PPARGC1A: variants seen among roughly 807,000 people sequenced by gnomAD.
PPARGC1A encodes PPARG coactivator 1 alpha.
PPARGC1A carries 25 observed loss-of-function variants against 88.7 expected under a neutral mutation model. That is an observed-to-expected ratio of 0.28 (90% CI 0.21 to 0.39). The LOEUF is 0.39. Ranked by LOEUF, PPARGC1A falls within the 10% of genes least tolerant of loss-of-function variation. The probability of loss-of-function intolerance (pLI) is 1.00; values close to 1 mark genes in which losing one functional copy is unlikely to be tolerated. For synonymous variants in PPARGC1A, 363 were observed against 355.6 expected (o/e 1.02, Z -0.24); for missense variants, 880 against 968.7 (o/e 0.91, Z 1.22).
the PPARGC1A span, among the ~76,000 whole-genome samples, chr4:24,387,854 G>GAA: frequency 3.5e-4 from 45 of 129,840 alleles, 3 homozygotes; most frequent in Non-Finnish European, 5.8e-4. Context: ...GAGAGAAAGA[G>GAA]AGAAAGAGAG....
intron 2 of PPARGC1A, among the ~76,000 whole-genome samples, chr4:23,833,262 A>C (rs1245924576): frequency 6.6e-6 from 1 of 152,254 alleles, no homozygotes; most frequent in African/African-American, 2.4e-5. Flanking sequence ...ACCAGTACCA[A>C]CACTGGGCAC....
At chr4:24,465,829 T>C in the PPARGC1A span, among the ~76,000 whole-genome samples, 3 of 152,180 alleles carry the variant, frequency 2.0e-5, no homozygotes, top group Non-Finnish European at 1.5e-5. Flanking sequence ...AGATACCTGT[T>C]ATAACATGGC....
chr4:24,462,362 G>C, the PPARGC1A span, among the ~76,000 whole-genome samples: 6 of 151,586 alleles, frequency 4.0e-5, no homozygotes, highest in African/African-American at 1.5e-4. Flanking sequence ...CTCCCAAAGT[G>C]CTGGGATTAC....
the PPARGC1A span, among the ~76,000 whole-genome samples, chr4:24,123,465 T>C: frequency 1.3e-5 from 2 of 152,142 alleles, no homozygotes; most frequent in African/African-American, 4.8e-5. Flanking sequence ...GTGAATAGTA[T>C]GGATAGTAGC....
chr4:23,949,637 T>C, the PPARGC1A span, among the ~76,000 whole-genome samples: 1 of 152,118 alleles, frequency 6.6e-6, no homozygotes, highest in Non-Finnish European at 1.5e-5. Flanking sequence ...TGGATTCCAT[T>C]TTGCCAGGCC....
intron 10 of PPARGC1A, among the ~76,000 whole-genome samples, chr4:23,809,628 ATATAT>A (rs1347523007): frequency 2.0e-5 from 3 of 152,202 alleles, no homozygotes; most frequent in African/African-American, 4.8e-5. Flanking sequence ...AATGTTAATA[ATATAT>A]TGTATTGGTC....
the PPARGC1A span, among the ~76,000 whole-genome samples, chr4:24,410,732 C>T: frequency 4.6e-5 from 7 of 152,272 alleles, no homozygotes; most frequent in East Asian, 9.7e-4. Flanking sequence ...AGTCTTCCAG[C>T]CTCCATCTTT....
chr4:24,403,103 T>C, the PPARGC1A span, among the ~76,000 whole-genome samples: 1 of 152,216 alleles, frequency 6.6e-6, no homozygotes, highest in African/African-American at 2.4e-5. Flanking sequence ...ACATAGTTAA[T>C]GAGTGCTACA....
the PPARGC1A span, among the ~76,000 whole-genome samples, chr4:24,197,437 G>T: frequency 6.6e-6 from 1 of 152,162 alleles, no homozygotes; most frequent in South Asian, 2.1e-4. Context: ...GAGGAAAAGG[G>T]CCTCTCTCTC....
chr4:24,069,909 A>G, the PPARGC1A span, among the ~76,000 whole-genome samples: 1 of 152,174 alleles, frequency 6.6e-6, no homozygotes, highest in African/African-American at 2.4e-5. Context: ...TATAAACTCT[A>G]AACTAGAGAC....
At chr4:23,862,518 G>C (rs1731388498) in intron 2 of PPARGC1A, among the ~76,000 whole-genome samples, 3 of 152,130 alleles carry the variant, frequency 2.0e-5, no homozygotes, top group Non-Finnish European at 4.4e-5. Flanking sequence ...GTTACTTTCT[G>C]TAACTTGGCC....
chr4:24,135,863 A>G, the PPARGC1A span, among the ~76,000 whole-genome samples: 1 of 152,174 alleles, frequency 6.6e-6, no homozygotes, highest in Non-Finnish European at 1.5e-5. Context: ...TTGCTTCTTC[A>G]TGCATCGCTA....
upstream of PPARGC1A, among the ~76,000 whole-genome samples, chr4:23,904,923 C>T (rs1205321231): frequency 6.6e-6 from 1 of 152,232 alleles, no homozygotes; most frequent in East Asian, 1.9e-4. Flanking sequence ...AAAGCATTCT[C>T]CTTTTTGTTG....
the PPARGC1A span, among the ~76,000 whole-genome samples, chr4:24,424,154 A>C: frequency 2.7e-5 from 4 of 150,928 alleles, no homozygotes; most frequent in South Asian, 4.2e-4. Flanking sequence ...TTACACTTCT[A>C]GAGCTGACTT....
At chr4:24,168,050 C>G in the PPARGC1A span, among the ~76,000 whole-genome samples, 2 of 152,202 alleles carry the variant, frequency 1.3e-5, no homozygotes, top group East Asian at 3.9e-4. Context: ...CCACCACACT[C>G]AGCCAAGAAA....
chr4:23,855,264 G>C (rs1319820453), intron 2 of PPARGC1A, among the ~76,000 whole-genome samples: 1 of 152,130 alleles, frequency 6.6e-6, no homozygotes, highest in Non-Finnish European at 1.5e-5. Context: ...TTTAGCAGCA[G>C]AGTGAGACTG....
the PPARGC1A span, among the ~76,000 whole-genome samples, chr4:24,057,944 AT>A: frequency 3.9e-5 from 6 of 152,176 alleles, no homozygotes; most frequent in Non-Finnish European, 8.8e-5. Flanking sequence ...GCATGTATGC[AT>A]TTGAGCATGC....
intron 2 of PPARGC1A, among the ~76,000 whole-genome samples, chr4:23,871,604 A>G (rs1237770550): frequency 6.6e-6 from 1 of 152,168 alleles, no homozygotes; most frequent in Non-Finnish European, 1.5e-5. Flanking sequence ...AAGACACAAG[A>G]GGATTCTGAC....
At chr4:24,223,449 C>A in the PPARGC1A span, among the ~76,000 whole-genome samples, 217 of 152,140 alleles carry the variant, frequency 1.4e-3, no homozygotes, top group African/African-American at 5.1e-3. Context: ...GGGATTTCAC[C>A]ATGTTGGCCA....
Sources: allele counts gnomAD v4.1 joint callset (sites outside exome capture counted in the v4.1 genomes callset), GRCh38; gene constraint gnomAD v4.1.1; transcripts MANE v1.5; gene names NCBI Gene and HGNC (gene_info 2026-07-23, HGNC 2026-07-21).